Variants in BCL9 observed in about 807,000 individuals in gnomAD.
BCL9 encodes the protein B-cell CLL/lymphoma 9 protein.
In BCL9, 25 loss-of-function variants were observed where a neutral mutation model predicts 88.5. The ratio of observed to expected loss-of-function variants is 0.28; its 90% CI spans 0.21 to 0.39. The LOEUF (loss-of-function observed/expected upper bound fraction) is 0.39, where lower values mean the gene tolerates loss of function less well. Ranked by LOEUF, BCL9 falls within the 10% of genes least tolerant of loss-of-function variation. The pLI is 1.00. For missense variants in BCL9, 1,817 were observed against 1,877.8 expected (o/e 0.97, Z 0.60); for synonymous variants, 711 against 673.3 (o/e 1.06, Z -0.87).
chr1:147,603,360 C>T (rs1657498983), intron 1 of BCL9, among the ~76,000 whole-genome samples: 1 of 152,220 alleles, frequency 6.6e-6, no homozygotes, highest in African/African-American at 2.4e-5. Flanking sequence ...ATGGGCTACG[C>T]CAACCCCAAA....
intron 1 of BCL9, among the ~76,000 whole-genome samples, chr1:147,602,126 C>A (rs587686648): frequency 2.6e-5 from 4 of 151,696 alleles, no homozygotes; most frequent in South Asian, 2.1e-4. Flanking sequence ...GTCTCGAGCT[C>A]CTGACTTCTG....
In BCL9 at chr1:147,612,990, G is replaced by C; in HGVS notation, c.161G>C (p.Gly54Ala). ...TTCTCCAATCAGGGTAAACAGGGGG[G>C]CTCAGCCAGCCAATCCCAGCCATCC... ...SKFSNQGKQG[G>A]SASQSQPSPC... Residue 54 changes from glycine to alanine, a missense_variant, in exon 5 of 10, where the codon GGC becomes GCC. Physicochemically the swap from Gly to Ala is moderately conservative, Grantham distance 60 (BLOSUM62 0). Transcript: ENST00000234739. The C allele has an allele frequency of 6.2e-7, 1 of 1,608,824 alleles. No homozygotes were observed. Among genetic ancestry groups the C allele is most frequent in the Non-Finnish European group, 8.5e-7 (1 of 1,177,624 alleles).
chr1:147,579,318 G>A (rs1435070526), intron 1 of BCL9, among the ~76,000 whole-genome samples: 1 of 152,186 alleles, frequency 6.6e-6, no homozygotes, highest in Admixed American at 6.5e-5. Flanking sequence ...TCTAACCTTA[G>A]CATTTTGATT....
chr1:147,593,945 G>A (rs1471090049), intron 1 of BCL9, among the ~76,000 whole-genome samples: 2 of 152,126 alleles, frequency 1.3e-5, no homozygotes, highest in African/African-American at 4.8e-5. Context: ...AGATGAAAAA[G>A]AAAACATTGT....
At position 147,619,799 on chromosome 1, in the gene BCL9, C is replaced by T. The variant is rs1553204765; in HGVS notation, c.1644C>T (p.Gly548=). The T allele has an allele frequency of 1.9e-6, 3 of 1,614,058 alleles. No homozygotes were observed. Among genetic ancestry groups the T allele is most frequent in the Admixed American group, 1.7e-5 (1 of 60,010 alleles). The change falls in exon 8 of 10, where the codon GGC becomes GGT. Residue 548 remains glycine (G), a synonymous_variant. Coordinates refer to ENST00000234739, the MANE Select transcript of BCL9 (RefSeq NM_004326.4). This position sits in a 1 kb window ranked among gnomAD's most constrained non-coding sequence, Gnocchi z 4.1. ...INMPHSLPPR[G]MAPHPNMPGS... is the part of the protein sequence containing the mutation. ...TGCCACATTCTCTGCCCCCGAGGGGCATGGCTCCCCACCCCAACATGCCAG... is the reference window on the plus strand; with the variant it reads ...TGCCACATTCTCTGCCCCCGAGGGGTATGGCTCCCCACCCCAACATGCCAG...
rs1016230475 is a variant in BCL9 at position 147,611,781 on chromosome 1, G to T, written c.-56G>T. 2 of 1,573,214 alleles carry T rather than the reference G, an allele frequency of 1.3e-6. No homozygotes were observed. The highest frequency in any genetic ancestry group is 1.4e-5 in the African/African-American group (1 of 73,984). On this transcript the variant is annotated 5_prime_UTR_variant, in exon 4 of 10. Transcript: ENST00000234739. ...CCAGCAGCTGTTTCTGCTGCAACCC[G>T]AGAGGAACTCGGTGAGCCTGTCCCG...
intron 1 of BCL9, among the ~76,000 whole-genome samples, chr1:147,578,282 G>C (rs1656198567): frequency 6.6e-6 from 1 of 152,132 alleles, no homozygotes; most frequent in South Asian, 2.1e-4. Flanking sequence ...TATACAGGTT[G>C]AGCATCCCTA....
chr1:147,559,951 G>A (rs58923930), intron 1 of BCL9, among the ~76,000 whole-genome samples: 1,552 of 152,244 alleles, frequency 0.01, 35 homozygotes, highest in African/African-American at 0.036. Flanking sequence ...GTAAAACCCT[G>A]GTTACATAAA....
intron 1 of BCL9, among the ~76,000 whole-genome samples, chr1:147,594,494 G>A (rs1656968474): frequency 6.6e-6 from 1 of 152,200 alleles, no homozygotes; most frequent in Non-Finnish European, 1.5e-5. Flanking sequence ...AGAAATGCAG[G>A]ATTAAGTTCA....
intron 7 of BCL9, among the ~76,000 whole-genome samples, chr1:147,616,581 C>T (rs587676803): frequency 6.6e-6 from 1 of 152,056 alleles, no homozygotes; most frequent in Non-Finnish European, 1.5e-5. Flanking sequence ...TCCTGGCTAA[C>T]CCAGTGAAAC....
chr1:147,590,768 C>T (rs1656813191), intron 1 of BCL9, among the ~76,000 whole-genome samples: 1 of 152,136 alleles, frequency 6.6e-6, no homozygotes, highest in Non-Finnish European at 1.5e-5. Flanking sequence ...ATGCAAAGCC[C>T]TTAGCACAGT....
rs1411039764 is a variant in BCL9, at chr1:147,625,059, A to C, written c.*100A>C. On this transcript the variant is annotated 3_prime_UTR_variant, in exon 10 of 10. Coordinates refer to ENST00000234739, the MANE Select transcript of BCL9 (RefSeq NM_004326.4). ...AGGAGTACTTACTATTGGTCATGCA[A>C]TAGGAGAACAGAGACCCGAGGGCTG... 1 of 1,440,608 alleles carries C rather than the reference A, an allele frequency of 6.9e-7. No individual in the cohort carries two copies. The highest frequency in any genetic ancestry group is 9.3e-7 in the Non-Finnish European group (1 of 1,075,720). 89.2% of individuals were successfully genotyped at this position (1,440,608 alleles called of 1,614,324 possible).
At position 147,621,035 on chromosome 1, in the gene BCL9, C is replaced by G; in HGVS notation, c.2880C>G (p.Ala960=). ...CACCCCTCACCATGGCCTCCCCAGC[C>G]ATGCTGGGAAATGTAGAGTCAGGTC... The part of the protein sequence containing the change: ...HKAPLTMASP[A]MLGNVESGGP... Residue 960 remains alanine, a synonymous_variant, in exon 8 of 10, where the codon GCC becomes GCG. Coordinates refer to ENST00000234739, the MANE Select transcript of BCL9 (RefSeq NM_004326.4). 6.2e-7 allele frequency: 1 copy of G among 1,613,624 alleles called. No individual in the cohort carries two copies. The highest frequency in any genetic ancestry group is 8.5e-7 in the Non-Finnish European group (1 of 1,179,842).
intron 1 of BCL9, among the ~76,000 whole-genome samples, chr1:147,564,757 T>C (rs986304026): frequency 6.6e-5 from 10 of 152,204 alleles, no homozygotes; most frequent in Admixed American, 6.5e-4. Flanking sequence ...GTGAATTGCC[T>C]AAATTAAACC....
At chr1:147,618,383 A>G (rs1570913048) in intron 7 of BCL9, among the ~76,000 whole-genome samples, 1 of 152,206 alleles carries the variant, frequency 6.6e-6, no homozygotes, top group Non-Finnish European at 1.5e-5. Flanking sequence ...TTGATTGACA[A>G]TGAGAAGTCT....
intron 1 of BCL9, among the ~76,000 whole-genome samples, chr1:147,595,715 T>C (rs958358913): frequency 6.6e-6 from 1 of 151,606 alleles, no homozygotes; most frequent in African/African-American, 2.4e-5. Flanking sequence ...AATAATAAAT[T>C]AGTGGAAATT....
At chr1:147,564,755 C>T (rs953551880) in intron 1 of BCL9, among the ~76,000 whole-genome samples, 6 of 152,118 alleles carry the variant, frequency 3.9e-5, no homozygotes, top group African/African-American at 1.2e-4. Context: ...TTGTGAATTG[C>T]CTAAATTAAA....
chr1:147,608,944 A>T (rs1657867300), intron 3 of BCL9, among the ~76,000 whole-genome samples: 1 of 152,188 alleles, frequency 6.6e-6, no homozygotes. Flanking sequence ...GTTACTTAAC[A>T]TTGCAGAGCC....
At chr1:147,552,630 C>T (rs587615917) in intron 1 of BCL9, among the ~76,000 whole-genome samples, 12 of 152,190 alleles carry the variant, frequency 7.9e-5, no homozygotes, top group Non-Finnish European at 1.5e-4. Flanking sequence ...AACAAACAAA[C>T]GAAAAGATTA....
Sources: gnomAD v4.1 joint callset for allele counts (sites outside exome capture counted in the v4.1 genomes callset) on GRCh38, gnomAD v4.1.1 for gene constraint, Gnocchi (gnomAD v3.1) non-coding constraint, MANE v1.5 for transcripts, NCBI Gene and HGNC (gene_info 2026-07-23, HGNC 2026-07-21) for gene names.